The following LUZP2 variants were observed in gnomAD, a reference collection of about 807,000 sequenced individuals.
The protein encoded by LUZP2 is leucine zipper protein 2.
LUZP2 carries 52 observed loss-of-function variants against 51.6 expected under a neutral mutation model. The observed-to-expected ratio is 1.01, with a 90% CI of 0.81 to 1.27. The LOEUF (loss-of-function observed/expected upper bound fraction) is 1.27. LUZP2 is among the 50% of genes most tolerant of loss of function. The probability of loss-of-function intolerance (pLI) is 0.00; values close to 1 mark genes in which losing one functional copy is unlikely to be tolerated. For synonymous variants in LUZP2, 154 were observed against 137.3 expected (o/e 1.12, Z -0.85); for missense variants, 436 against 395.4 (o/e 1.10, Z -0.87).
intron 1 of LUZP2, among the ~76,000 whole-genome samples, chr11:24,602,518 A>G (rs1853772217): frequency 6.6e-6 from 1 of 151,182 alleles, no homozygotes; most frequent in African/African-American, 2.4e-5. Context: ...TTAAAATGCT[A>G]AGTGAGCATT....
chr11:25,048,059 C>T (rs1229379690), intron 9 of LUZP2, among the ~76,000 whole-genome samples: 3 of 152,134 alleles, frequency 2.0e-5, no homozygotes, highest in Non-Finnish European at 1.5e-5. Flanking sequence ...GATCCTCCAG[C>T]CTCTGTCTCC....
chr11:24,606,442 G>A (rs1332700068), intron 1 of LUZP2, among the ~76,000 whole-genome samples: 1 of 151,956 alleles, frequency 6.6e-6, no homozygotes, highest in African/African-American at 2.4e-5. Flanking sequence ...AGCTTAAGAT[G>A]GGTTTATCCC....
At chr11:24,596,236 A>G (rs1434862543) in intron 1 of LUZP2, among the ~76,000 whole-genome samples, 2 of 152,196 alleles carry the variant, frequency 1.3e-5, no homozygotes, top group East Asian at 3.8e-4. Context: ...TTTCCTCTCT[A>G]TATCAAACAA....
At chr11:24,862,088 A>C (rs1221648866) in intron 5 of LUZP2, among the ~76,000 whole-genome samples, 3 of 152,094 alleles carry the variant, frequency 2.0e-5, no homozygotes, top group Admixed American at 2.0e-4. Flanking sequence ...GATCTCCTAC[A>C]CATAATCATC....
chr11:24,770,216 CGGTCTGAGATATAAGAAAGGCT>C (rs1860356877), intron 5 of LUZP2, among the ~76,000 whole-genome samples: 1 of 152,078 alleles, frequency 6.6e-6, no homozygotes, highest in Admixed American at 6.6e-5. Context: ...TTGTCTGTAA[CGGTCTGAGATATAAGAAAGGCT>C]TGGGAATGAG....
rs143462774 is a variant in LUZP2, at chr11:24,976,791, A to G, written c.597+126A>G. The G allele has an allele frequency of 4.3e-3, 2,272 of 524,648 alleles. 47 individuals carry two copies. In the East Asian group the frequency reaches 0.047, roughly 11 times the overall value. The allele number at this position is 524,648 out of a possible 1,614,324, so 32.5% of individuals were successfully genotyped here. A position where few individuals can be genotyped will look rare whatever the true frequency, so the allele number is the denominator to read the frequency against. ...ATGTGTTTCTAGATGCTGTGTATAT[A>G]AGATAGTTACAGAATTCAGGAAGGT... On this transcript the variant is annotated intron_variant, in intron 8 of 11. Transcript: ENST00000336930.
At chr11:24,648,853 A>G (rs1855541833) in intron 1 of LUZP2, among the ~76,000 whole-genome samples, 1 of 152,054 alleles carries the variant, frequency 6.6e-6, no homozygotes, top group South Asian at 2.1e-4. Flanking sequence ...AGTTTTTGCT[A>G]TTAAAAGCAA....
chr11:24,710,571 A>G (rs1000137317), intron 1 of LUZP2, among the ~76,000 whole-genome samples: 1 of 152,216 alleles, frequency 6.6e-6, no homozygotes, highest in Non-Finnish European at 1.5e-5. Flanking sequence ...CTGTGCCAAT[A>G]CAATAGCAAG....
At chr11:24,950,334 C>T (rs1855040703) in intron 7 of LUZP2, among the ~76,000 whole-genome samples, 1 of 151,510 alleles carries the variant, frequency 6.6e-6, no homozygotes, top group Non-Finnish European at 1.5e-5. Context: ...AAAATGATTT[C>T]CTATGTTCAG....
chr11:24,652,886 C>T (rs1219992876), intron 1 of LUZP2, among the ~76,000 whole-genome samples: 9 of 145,302 alleles, frequency 6.2e-5, no homozygotes, highest in Admixed American at 5.0e-4. Flanking sequence ...AGGGTTCAAG[C>T]TAGTTGGTGG....
intron 1 of LUZP2, among the ~76,000 whole-genome samples, chr11:24,623,130 G>A (rs1169411708): frequency 1.3e-5 from 2 of 151,844 alleles, no homozygotes; most frequent in Non-Finnish European, 2.9e-5. Flanking sequence ...GAGATTGAGA[G>A]AGAGAAGCAG....
At chr11:24,628,031 T>A (rs571408797) in intron 1 of LUZP2, among the ~76,000 whole-genome samples, 2 of 152,314 alleles carry the variant, frequency 1.3e-5, no homozygotes, top group East Asian at 3.9e-4. Context: ...TGGCTCCATG[T>A]TGAGCTGGTG....
intron 5 of LUZP2, among the ~76,000 whole-genome samples, chr11:24,774,869 A>G (rs989029299): frequency 1.4e-5 from 2 of 146,454 alleles, no homozygotes; most frequent in African/African-American, 5.0e-5. Context: ...AAGAATATAT[A>G]TGTATATTCT....
intron 9 of LUZP2, among the ~76,000 whole-genome samples, chr11:25,029,991 A>T (rs1246816286): frequency 1.3e-5 from 2 of 152,112 alleles, no homozygotes; most frequent in Non-Finnish European, 2.9e-5. Context: ...GCACACATAG[A>T]TTTACCAACC....
chr11:24,536,159 T>A (rs951984372), intron 1 of LUZP2, among the ~76,000 whole-genome samples: 1 of 151,796 alleles, frequency 6.6e-6, no homozygotes, highest in African/African-American at 2.4e-5. Flanking sequence ...ATTTTTGTAT[T>A]TTTAACATGC....
At chr11:24,595,475 G>A (rs1003809608) in intron 1 of LUZP2, among the ~76,000 whole-genome samples, 1 of 152,176 alleles carries the variant, frequency 6.6e-6, no homozygotes, top group Non-Finnish European at 1.5e-5. Flanking sequence ...AGCGCTCTAT[G>A]AGAAATCAGG....
intron 1 of LUZP2, among the ~76,000 whole-genome samples, chr11:24,641,731 A>G (rs931852634): frequency 1.3e-5 from 2 of 151,914 alleles, no homozygotes; most frequent in African/African-American, 4.9e-5. Flanking sequence ...ATCATTCACA[A>G]TGATTTATCT....
At chr11:24,831,169 GTTTA>G (rs1850692920) in intron 5 of LUZP2, among the ~76,000 whole-genome samples, 1 of 152,156 alleles carries the variant, frequency 6.6e-6, no homozygotes, top group Non-Finnish European at 1.5e-5. Flanking sequence ...CGTTGACCTT[GTTTA>G]TTTATCATCT....
chr11:24,526,475 A>G (rs1265869498), intron 1 of LUZP2, among the ~76,000 whole-genome samples: 1 of 148,408 alleles, frequency 6.7e-6, no homozygotes, highest in Non-Finnish European at 1.5e-5. Context: ...TTTTTTTATA[A>G]TGCAGTGTAA....
Sources: allele counts gnomAD v4.1 joint callset (sites outside exome capture counted in the v4.1 genomes callset), GRCh38; gene constraint gnomAD v4.1.1; transcripts MANE v1.5; gene names NCBI Gene and HGNC (gene_info 2026-07-23, HGNC 2026-07-21).